PLOD2: variants seen among roughly 807,000 people sequenced by gnomAD.
PLOD2 encodes lysine hydroxylase 2.
A neutral mutation model predicts 101.0 loss-of-function variants in PLOD2; 65 were observed. The ratio of observed to expected loss-of-function variants is 0.64; its 90% CI spans 0.53 to 0.79. PLOD2 has a LOEUF of 0.79. Ranked by LOEUF, PLOD2 falls within the 30% of genes least tolerant of loss-of-function variation. The pLI, the probability that PLOD2 is intolerant of heterozygous loss-of-function variation, is 0.00. For synonymous variants in PLOD2, 314 were observed against 302.9 expected (o/e 1.04, Z -0.38); for missense variants, 909 against 914.6 (o/e 0.99, Z 0.08).
chr3:146,140,375 G>A (rs190194458), intron 1 of PLOD2, among the ~76,000 whole-genome samples: 2 of 152,162 alleles, frequency 1.3e-5, no homozygotes, highest in Admixed American at 1.3e-4. Context: ...GCTCCCCAGT[G>A]AAGTCTGATT....
At chr3:146,131,352 AC>A (rs1186368910) in intron 1 of PLOD2, among the ~76,000 whole-genome samples, 1 of 152,162 alleles carries the variant, frequency 6.6e-6, no homozygotes, top group Non-Finnish European at 1.5e-5. Flanking sequence ...GAATCACTGA[AC>A]CCGCAGGTGG....
At chr3:146,135,486 C>G (rs962513328) in intron 1 of PLOD2, among the ~76,000 whole-genome samples, 1 of 152,096 alleles carries the variant, frequency 6.6e-6, no homozygotes, top group Non-Finnish European at 1.5e-5. Flanking sequence ...TGGAGTATAT[C>G]CCAGAAAATA....
At chr3:146,083,814 C>CT (rs1224076958) in intron 11 of PLOD2, among the ~76,000 whole-genome samples, 4 of 151,866 alleles carry the variant, frequency 2.6e-5, no homozygotes, top group Non-Finnish European at 5.9e-5. Flanking sequence ...ATCTCCTGAC[C>CT]TCGTGATCCA....
intron 1 of PLOD2, among the ~76,000 whole-genome samples, chr3:146,143,013 T>G (rs1427896864): frequency 6.6e-6 from 1 of 152,150 alleles, no homozygotes; most frequent in East Asian, 1.9e-4. Flanking sequence ...AGCTCTGCTA[T>G]TTTTCAATGC....
chr3:146,126,819 A>AC (rs908237405), intron 1 of PLOD2, among the ~76,000 whole-genome samples: 1 of 109,364 alleles, frequency 9.1e-6, no homozygotes, highest in Admixed American at 8.8e-5. Context: ...AATTTCATTT[A>AC]CTTTTTTTTA....
chr3:146,090,044 C>A (rs1474001431), intron 8 of PLOD2, among the ~76,000 whole-genome samples: 1 of 151,286 alleles, frequency 6.6e-6, no homozygotes, highest in Non-Finnish European at 1.5e-5. Context: ...TAACAGTTAA[C>A]ATTTATTGAA....
At chr3:146,149,586 A>G (rs1347046227) in intron 1 of PLOD2, among the ~76,000 whole-genome samples, 2 of 152,182 alleles carry the variant, frequency 1.3e-5, no homozygotes, top group African/African-American at 4.8e-5. Context: ...ATTTTTTAAA[A>G]AAATATGTTT....
At chr3:146,119,887 G>A (rs957406252) in intron 3 of PLOD2, among the ~76,000 whole-genome samples, 6 of 152,132 alleles carry the variant, frequency 3.9e-5, no homozygotes, top group African/African-American at 1.2e-4. Flanking sequence ...ATCGTGAATA[G>A]TGCCGCGATA....
chr3:146,109,488 T>C (rs533533516), intron 4 of PLOD2, among the ~76,000 whole-genome samples: 4 of 152,328 alleles, frequency 2.6e-5, no homozygotes, highest in East Asian at 3.9e-4. Flanking sequence ...GCAGCACTTA[T>C]TTTAACTAGC....
intron 1 of PLOD2, among the ~76,000 whole-genome samples, chr3:146,144,495 G>A (rs1576627132): frequency 7.0e-6 from 1 of 143,346 alleles, no homozygotes; most frequent in South Asian, 2.2e-4. Context: ...GAGACAGAAA[G>A]AGTACATATC....
chr3:146,130,739 C>T (rs2030860917), intron 1 of PLOD2, among the ~76,000 whole-genome samples: 1 of 152,148 alleles, frequency 6.6e-6, no homozygotes, highest in Admixed American at 6.6e-5. Context: ...AGTAGAACTT[C>T]AGAGTTATTC....
At position 146,119,299 on chromosome 3, in the gene PLOD2, C is replaced by T. The variant is rs569035856; in HGVS notation, c.338+1813G>A. Among the ~76,000 whole-genome samples the T allele has an allele frequency of 3.3e-5, 5 of 152,224 alleles. 1 individual carries two copies. Among genetic ancestry groups the T allele is most frequent in the African/African-American group, 7.2e-5 (3 of 41,546 alleles). On this transcript the variant is annotated intron_variant, in intron 3 of 19. Transcript: ENST00000282903. The stretch of plus-strand genomic sequence containing the variant: ...GCCTCTCCAGAAGCCAAGCAGCTGG[C>T]CAGCATCATGTTTCCTGTACAGCCT...
chr3:146,088,760 T>C (rs1275919374), intron 8 of PLOD2, 49 bp from the exon 9 acceptor site: 1 of 1,446,368 alleles, frequency 6.9e-7, no homozygotes, highest in African/African-American at 1.4e-5. Context: ...AGTATGGTTT[T>C]GTTTTAAATT....
intron 2 of PLOD2, among the ~76,000 whole-genome samples, chr3:146,122,261 T>C (rs1450777379): frequency 6.6e-6 from 1 of 152,218 alleles, no homozygotes; most frequent in Non-Finnish European, 1.5e-5. Context: ...CAAGCTGTTT[T>C]GGATCTGGAT....
intron 1 of PLOD2, among the ~76,000 whole-genome samples, chr3:146,148,508 T>C (rs1262789042): frequency 2.6e-5 from 4 of 152,180 alleles, no homozygotes; most frequent in Admixed American, 6.5e-5. Flanking sequence ...TAGAGGTCTC[T>C]AGTCTCCTTG....
Position 146,106,512 on chromosome 3 carries a change from A to C in PLOD2, c.615+20T>G. The C allele has an allele frequency of 8.8e-7, 1 of 1,129,978 alleles. No individual in the cohort carries two copies. Among genetic ancestry groups the C allele is most frequent in the Non-Finnish European group, 1.4e-6 (1 of 737,936 alleles). 70.0% of individuals were successfully genotyped at this position (1,129,978 alleles called of 1,614,324 possible). A position where few individuals can be genotyped will look rare whatever the true frequency, so the allele number is the denominator to read the frequency against. ...AAACAACCAAATCAATAAAACAAAAAAATTGCAGCTGTTACACACCCTTTT... is the reference window on the plus strand; with the variant it reads ...AAACAACCAAATCAATAAAACAAAACAATTGCAGCTGTTACACACCCTTTT... On this transcript the variant is annotated intron_variant, in intron 5 of 19. Coordinates refer to ENST00000282903, the MANE Select transcript of PLOD2 (RefSeq NM_182943.3).
At chr3:146,107,053 C>G (rs1937547174) in intron 4 of PLOD2, among the ~76,000 whole-genome samples, 1 of 152,190 alleles carries the variant, frequency 6.6e-6, no homozygotes, top group Admixed American at 6.5e-5. Context: ...CTCTTTCTTA[C>G]AGAATAAAAT....
At chr3:146,118,284 T>C (rs1938010764) in intron 3 of PLOD2, among the ~76,000 whole-genome samples, 1 of 152,166 alleles carries the variant, frequency 6.6e-6, no homozygotes, top group Non-Finnish European at 1.5e-5. Flanking sequence ...ATACTTCATC[T>C]TGCAAAATAG....
At chr3:146,139,459 G>T (rs2031412053) in intron 1 of PLOD2, among the ~76,000 whole-genome samples, 1 of 152,144 alleles carries the variant, frequency 6.6e-6, no homozygotes, top group African/African-American at 2.4e-5. Context: ...TATCCTGAAG[G>T]AACACAAATC....
Sources: allele counts gnomAD v4.1 joint callset (sites outside exome capture counted in the v4.1 genomes callset), GRCh38; gene constraint gnomAD v4.1.1; transcripts MANE v1.5; gene names NCBI Gene and HGNC (gene_info 2026-07-23, HGNC 2026-07-21).